The following NKAIN2 variants were observed in gnomAD, a reference collection of about 807,000 sequenced individuals.
NKAIN2 encodes the protein sodium/potassium-transporting ATPase subunit beta-1-interacting protein 2.
A neutral mutation model predicts 32.6 loss-of-function variants in NKAIN2; 14 were observed. The observed-to-expected ratio is 0.43, with a 90% CI of 0.28 to 0.67. The LOEUF (loss-of-function observed/expected upper bound fraction) is 0.67. NKAIN2 is among the 30% of genes least tolerant of loss of function. The pLI, the probability that NKAIN2 is intolerant of heterozygous loss-of-function variation, is 0.17. For missense variants in NKAIN2, 198 were observed against 258.3 expected (o/e 0.77, Z 1.60); for synonymous variants, 80 against 87.2 (o/e 0.92, Z 0.46).
At chr6:124,495,941 A>G (rs1482961728) in intron 3 of NKAIN2, among the ~76,000 whole-genome samples, 6 of 152,320 alleles carry the variant, frequency 3.9e-5, no homozygotes, top group Middle Eastern at 3.4e-3. Flanking sequence ...CACGATGTAC[A>G]TAAACTTCAT....
chr6:124,763,519 C>T (rs1001818468), intron 4 of NKAIN2, among the ~76,000 whole-genome samples: 6 of 152,134 alleles, frequency 3.9e-5, no homozygotes, highest in African/African-American at 1.2e-4. Flanking sequence ...GAGAATAGCA[C>T]GAAGGGGGCA....
intron 3 of NKAIN2, among the ~76,000 whole-genome samples, chr6:124,520,596 AG>A (rs1159814512): frequency 3.3e-5 from 5 of 152,346 alleles, no homozygotes; most frequent in African/African-American, 1.2e-4. Flanking sequence ...AGCTTTAAGA[AG>A]GCACATAAGA....
intron 3 of NKAIN2, among the ~76,000 whole-genome samples, chr6:124,519,194 C>T (rs1316968841): frequency 2.6e-5 from 4 of 151,978 alleles, no homozygotes; most frequent in Non-Finnish European, 1.5e-5. Flanking sequence ...AAAGATTGAA[C>T]AAAACAGGAA....
rs147026601 is a variant in NKAIN2, at chr6:124,685,059, A to G, written c.474+26673A>G. Among the ~76,000 whole-genome samples the G allele has an allele frequency of 5.1e-3, 783 of 152,276 alleles. 2 individuals are homozygous for G. The highest frequency in any genetic ancestry group is 8.0e-3 in the Non-Finnish European group (541 of 68,024). The stretch of plus-strand genomic sequence containing the variant: ...ATATATTGGGGTCTCACAGAAATAC[A>G]TTCATACTACTATTTTTGCACTTAT... On this transcript the variant is annotated intron_variant, in intron 4 of 6. Coordinates refer to ENST00000368417, the MANE Select transcript of NKAIN2 (RefSeq NM_001040214.3).
intron 3 of NKAIN2, among the ~76,000 whole-genome samples, chr6:124,594,673 G>A (rs1583490745): frequency 6.6e-6 from 1 of 152,120 alleles, no homozygotes; most frequent in African/African-American, 2.4e-5. Context: ...TGAATGTACC[G>A]AGAGTGAAAT....
intron 3 of NKAIN2, among the ~76,000 whole-genome samples, chr6:124,496,050 T>C (rs964185570): frequency 2.0e-5 from 3 of 152,180 alleles, no homozygotes; most frequent in African/African-American, 7.2e-5. Flanking sequence ...ACTGTTCTTT[T>C]TGGCATTTCC....
intron 1 of NKAIN2, among the ~76,000 whole-genome samples, chr6:124,101,595 GT>G (rs1178580110): frequency 6.6e-6 from 1 of 151,824 alleles, no homozygotes; most frequent in African/African-American, 2.4e-5. Flanking sequence ...TGTTTTTGCT[GT>G]TTTTTTCTAT....
chr6:124,072,758 T>C (rs1783520566), intron 1 of NKAIN2, among the ~76,000 whole-genome samples: 2 of 152,198 alleles, frequency 1.3e-5, no homozygotes, highest in African/African-American at 4.8e-5. Context: ...AATATTATTT[T>C]ATTCACCCAA....
chr6:124,780,631 C>T (rs948904614), intron 4 of NKAIN2, among the ~76,000 whole-genome samples: 5 of 152,138 alleles, frequency 3.3e-5, no homozygotes, highest in African/African-American at 7.2e-5. Flanking sequence ...GAATGTCCTT[C>T]GACACTTTGC....
At chr6:123,959,925 ATGTGTGTGTGTGTGTG>A (rs6149793) in intron 1 of NKAIN2, among the ~76,000 whole-genome samples, 4,041 of 141,358 alleles carry the variant, frequency 0.029, 147 homozygotes, top group African/African-American at 0.085. Context: ...TCTTCCATAT[ATGTGTGTGTGTGTGTG>A]TGTGTGTGTG....
intron 4 of NKAIN2, among the ~76,000 whole-genome samples, chr6:124,677,064 G>A (rs1773394996): frequency 6.6e-6 from 1 of 152,090 alleles, no homozygotes; most frequent in South Asian, 2.1e-4. Context: ...TGCCTCCTGG[G>A]TTCAAGCAAT....
At chr6:124,118,566 C>T (rs1217898852) in intron 1 of NKAIN2, among the ~76,000 whole-genome samples, 1 of 152,086 alleles carries the variant, frequency 6.6e-6, no homozygotes, top group East Asian at 1.9e-4. Flanking sequence ...CAATGATACC[C>T]TCTCCAGTGA....
rs183969503 is a variant in NKAIN2, at chr6:123,858,312, C to T, written c.54+54058C>T. The stretch of plus-strand genomic sequence containing the variant: ...TGTATTTTTAGTAGAGACAGAGTTT[C>T]GTCATGTTAGTCAGGCTGGTCTCAA... On this transcript the variant is annotated intron_variant, in intron 1 of 6. Coordinates refer to ENST00000368417, the MANE Select transcript of NKAIN2 (RefSeq NM_001040214.3). Among the ~76,000 whole-genome samples the T allele has an allele frequency of 3.3e-4, 50 of 152,090 alleles. No homozygotes were observed. The East Asian group carries it at 6.8e-3, about 21-fold the overall frequency.
intron 1 of NKAIN2, among the ~76,000 whole-genome samples, chr6:123,989,059 A>T (rs916415660): frequency 6.6e-6 from 1 of 152,152 alleles, no homozygotes; most frequent in Non-Finnish European, 1.5e-5. Flanking sequence ...GTAATATAAA[A>T]GGGCCATTAT....
At chr6:124,012,721 C>T (rs1780393700) in intron 1 of NKAIN2, among the ~76,000 whole-genome samples, 1 of 152,120 alleles carries the variant, frequency 6.6e-6, no homozygotes, top group Non-Finnish European at 1.5e-5. Flanking sequence ...TTTTGTCTAT[C>T]CTTTCACCTG....
intron 3 of NKAIN2, among the ~76,000 whole-genome samples, chr6:124,562,734 TA>T (rs1272617922): frequency 2.6e-5 from 4 of 152,188 alleles, no homozygotes; most frequent in African/African-American, 9.7e-5. Context: ...CCATTTGTTT[TA>T]CCTTTTGCAA....
intron 3 of NKAIN2, among the ~76,000 whole-genome samples, chr6:124,397,282 T>C (rs960136451): frequency 1.3e-5 from 2 of 152,060 alleles, no homozygotes; most frequent in African/African-American, 2.4e-5. Flanking sequence ...AATGTAATTA[T>C]AATTTTTCAG....
intron 4 of NKAIN2, among the ~76,000 whole-genome samples, chr6:124,738,399 A>G (rs903774970): frequency 6.6e-6 from 1 of 151,922 alleles, no homozygotes; most frequent in Non-Finnish European, 1.5e-5. Context: ...TCAATAATGT[A>G]TAGCTTTTTA....
rs568341182 is a variant in NKAIN2 at position 124,408,804 on chromosome 6, C to T, written c.273+53457C>T. ...ACCTTGGGCAGTATGGCCATTTTCACGATATTGATTCTTCCTACCCATGAG... is the reference window on the plus strand; with the variant it reads ...ACCTTGGGCAGTATGGCCATTTTCATGATATTGATTCTTCCTACCCATGAG... On this transcript the variant is annotated intron_variant, in intron 3 of 6. Coordinates refer to ENST00000368417, the MANE Select transcript of NKAIN2 (RefSeq NM_001040214.3). Among the ~76,000 whole-genome samples the T allele has an allele frequency of 4.6e-5, 7 of 152,162 alleles. No homozygotes were observed. The South Asian group carries it at 6.2e-4, about 14-fold the overall frequency.
Sources: allele counts gnomAD v4.1 joint callset (sites outside exome capture counted in the v4.1 genomes callset), GRCh38; gene constraint gnomAD v4.1.1; transcripts MANE v1.5; gene names NCBI Gene and HGNC (gene_info 2026-07-23, HGNC 2026-07-21).